Variants in SMPDL3A observed in about 807,000 individuals in gnomAD.
The protein encoded by SMPDL3A is cyclic GMP-AMP phosphodiesterase SMPDL3A.
SMPDL3A carries 39 observed loss-of-function variants against 38.5 expected under a neutral mutation model. The observed-to-expected ratio is 1.01, with a 90% confidence interval of 0.78 to 1.32. The LOEUF is 1.32. Ranked by LOEUF, SMPDL3A falls within the 40% of genes most tolerant of loss-of-function variation. The pLI is 0.00. For missense variants in SMPDL3A, 502 were observed against 536.2 expected (o/e 0.94, Z 0.63); for synonymous variants, 180 against 194.3 (o/e 0.93, Z 0.61).
intron 4 of SMPDL3A, among the ~76,000 whole-genome samples, chr6:122,802,779 T>C (rs553262447): frequency 3.3e-5 from 5 of 152,222 alleles, no homozygotes; most frequent in African/African-American, 9.6e-5. Flanking sequence ...ATAGAAGCCA[T>C]CCTGAGAAAG....
At position 122,796,945 on chromosome 6, in the gene SMPDL3A, G is replaced by C; in HGVS notation, c.448G>C (p.Gly150Arg). Residue 150 changes from glycine to arginine, a missense_variant, in exon 3 of 8, where the codon GGT (glycine) becomes CGT (arginine). Physicochemically the swap from Gly to Arg is moderately radical, Grantham distance 125. Transcript: ENST00000368440. ...FPNLQVFPAL[G>R]NHDYWPQDQL... ...AAATCTCCAGGTTTTCCCTGCGCTG[G>C]GTAATCATGACTATTGGCCACAGGT... 4 of 1,613,498 alleles carry C rather than the reference G, an allele frequency of 2.5e-6. No homozygotes were observed. Among genetic ancestry groups the C allele is most frequent in the Non-Finnish European group, 3.4e-6 (4 of 1,179,702 alleles).
intron 1 of SMPDL3A, among the ~76,000 whole-genome samples, chr6:122,791,473 G>A (rs770484392): frequency 2.6e-5 from 4 of 152,172 alleles, no homozygotes; most frequent in African/African-American, 4.8e-5. Flanking sequence ...AATCCCAGCA[G>A]CCATACTTCA....
rs545017388 is a variant in SMPDL3A, at chr6:122,797,198, A to T, written c.471+230A>T. 5.1e-6 allele frequency: 2 copies of T among 393,238 alleles called. 1 individual carries two copies. Among genetic ancestry groups the T allele is most frequent in the East Asian group, 7.7e-5 (2 of 25,948 alleles). 24.4% of individuals were successfully genotyped at this position (393,238 alleles called of 1,614,324 possible). A position where few individuals can be genotyped will look rare whatever the true frequency, so the allele number is the denominator to read the frequency against. ...ATCAATAGTGAGTTTTCAGAATAAA[A>T]TTATCCAGTTTGTGGATGATTAATT... is the stretch of plus-strand genomic sequence containing the variant. On this transcript the variant is annotated intron_variant, in intron 3 of 7. Coordinates refer to ENST00000368440, the MANE Select transcript of SMPDL3A (RefSeq NM_006714.5).
rs184598739 is a variant in SMPDL3A at position 122,795,935 on chromosome 6, C to T, written c.326+45C>T. 3.0e-4 allele frequency: 412 copies of T among 1,374,682 alleles called. 1 individual carries two copies. In the Middle Eastern group the frequency reaches 4.7e-3, roughly 16 times the overall value. 85.2% of individuals were successfully genotyped at this position (1,374,682 alleles called of 1,614,324 possible). The stretch of plus-strand genomic sequence containing the variant: ...CCATTAATTACTCAATATTTATTTA[C>T]AGTGTCCTAAGCTTCATAAGAGTGC... On this transcript the variant is annotated intron_variant, in intron 2 of 7. Coordinates refer to ENST00000368440, the MANE Select transcript of SMPDL3A (RefSeq NM_006714.5).
intron 7 of SMPDL3A, among the ~76,000 whole-genome samples, chr6:122,807,742 T>C (rs1416338565): frequency 6.6e-6 from 1 of 151,882 alleles, no homozygotes; most frequent in Non-Finnish European, 1.5e-5. Flanking sequence ...AAATAGGAGA[T>C]GGTTCTGTTA....
At chr6:122,800,181 C>T (rs753789320) in intron 3 of SMPDL3A, among the ~76,000 whole-genome samples, 14 of 151,658 alleles carry the variant, frequency 9.2e-5, no homozygotes, top group Non-Finnish European at 1.8e-4. Context: ...TTCCTCCAGG[C>T]GAGGCTCCCC....
chr6:122,808,658 CTCCCTCCCTCT>C (rs1562357977), intron 7 of SMPDL3A, among the ~76,000 whole-genome samples: 17 of 110,030 alleles, frequency 1.5e-4, no homozygotes, highest in African/African-American at 5.2e-4. Context: ...CTCCTCCCCC[CTCCCTCCCTCT>C]CCTTCTTTCT....
In SMPDL3A at chr6:122,789,403, C is replaced by G; in HGVS notation, c.57C>G (p.Ser19=). 6.5e-7 allele frequency: 1 copy of G among 1,549,336 alleles called. No homozygotes were observed. The highest frequency in any genetic ancestry group is 2.4e-5 in the East Asian group (1 of 40,878). Residue 19 remains serine (S), a synonymous_variant, in exon 1 of 8, where the codon TCC becomes TCG. Coordinates refer to ENST00000368440, the MANE Select transcript of SMPDL3A (RefSeq NM_006714.5). ...TGCTGACTGCCTGGCACTGCCGCTCCGGCCTCGGGCTGCCCGTGGCGCCCG... is the reference window on the plus strand; with the variant it reads ...TGCTGACTGCCTGGCACTGCCGCTCGGGCCTCGGGCTGCCCGTGGCGCCCG... ...CCLLTAWHCR[S]GLGLPVAPAG... is the part of the protein sequence containing the mutation.
At chr6:122,808,631 CT>C (rs1781734021) in intron 7 of SMPDL3A, among the ~76,000 whole-genome samples, 2 of 66,134 alleles carry the variant, frequency 3.0e-5, no homozygotes, top group African/African-American at 5.9e-5. Flanking sequence ...TCCTTCCTTC[CT>C]TCCTTCCTTC....
In SMPDL3A at chr6:122,796,804, C is replaced by T. The variant is rs1297873535; in HGVS notation, c.327-20C>T. ...TTTATGAAACTGATTTTGTTCTTTA[C>T]AATCTCTCTCTTTTTTCAGGGATAG... is the stretch of plus-strand genomic sequence containing the variant. On this transcript the variant is annotated intron_variant, in intron 2 of 7. Transcript: ENST00000368440. 2 of 1,605,212 alleles carry T rather than the reference C, an allele frequency of 1.2e-6. No homozygotes were observed. The highest frequency in any genetic ancestry group is 1.7e-6 in the Non-Finnish European group (2 of 1,175,356).
At chr6:122,795,614 A>AT (rs1331162745) in intron 1 of SMPDL3A, 63 bp from the exon 2 acceptor site, 24 of 1,264,120 alleles carry the variant, frequency 1.9e-5, no homozygotes, top group African/African-American at 4.5e-5. Context: ...TAATATAAAT[A>AT]TTTTTATGAG....
rs1409497777 is a variant in SMPDL3A at position 122,789,360 on chromosome 6, G to A, written c.14G>A (p.Arg5His). 1.9e-6 allele frequency: 3 copies of A among 1,546,446 alleles called. No individual in the cohort carries two copies. Among genetic ancestry groups the A allele is most frequent in the African/African-American group, 1.4e-5 (1 of 72,854 alleles). The change falls in exon 1 of 8, where the codon CGC (arginine) becomes CAC (histidine). Residue 5 changes from arginine to histidine, a missense_variant. Physicochemically the swap from Arg to His is conservative, Grantham distance 29. Transcript: ENST00000368440. The part of the protein sequence containing the change: MALV[R>H]ALVCCLLTAW... The stretch of plus-strand genomic sequence containing the variant: ...CCGCGGCCCTCCATGGCGCTGGTGC[G>A]CGCACTCGTCTGCTGCCTGCTGACT...
chr6:122,796,102 T>C lies in SMPDL3A; in HGVS notation c.326+212T>C, dbSNP rs188756005. Among the ~76,000 whole-genome samples, 144 of 152,264 alleles carry C rather than the reference T, an allele frequency of 9.5e-4. No homozygotes were observed. The Middle Eastern group carries it at 0.014, about 14-fold the overall frequency. On this transcript the variant is annotated intron_variant, in intron 2 of 7. Transcript: ENST00000368440. ...AATACAGATTTCAGAAATATGTCAG[T>C]GTTAACTAAGAGATGAATCCATAAA...
intron 1 of SMPDL3A, chr6:122,789,854 G>C (rs1781013661): frequency 1.0e-6 from 1 of 985,264 alleles, no homozygotes; most frequent in Non-Finnish European, 1.2e-6. Flanking sequence ...ACAGCAAGAG[G>C]CCCCTAATCG....
chr6:122,799,961 CT>C lies in SMPDL3A; in HGVS notation c.472-1329del, dbSNP rs112956534. Among the ~76,000 whole-genome samples, 1,054 of 124,524 alleles carry C rather than the reference CT, an allele frequency of 8.5e-3. 10 individuals are homozygous for C. The highest frequency in any genetic ancestry group is 0.026 in the African/African-American group (897 of 34,500). The allele number at this position is 124,524 out of a possible 152,430, so 81.7% of individuals were successfully genotyped here. A position where few individuals can be genotyped will look rare whatever the true frequency, so the allele number is the denominator to read the frequency against. On this transcript the variant is annotated intron_variant, in intron 3 of 7. Transcript: ENST00000368440. ...TTTATGGGTTTTTATTCAGTATTTA[CT>C]TTTTTTTTTTTTTTTTTTTGAAACA...
chr6:122,803,359 A>G (rs6936183), intron 4 of SMPDL3A, among the ~76,000 whole-genome samples: 126,488 of 152,206 alleles, frequency 0.83, 53,276 homozygotes, highest in East Asian at 0.99. Flanking sequence ...TCTTTCTTTC[A>G]TAAAACTCAA....
At chr6:122,789,827 G>A (rs1781011519) in intron 1 of SMPDL3A, 1 of 985,266 alleles carries the variant, frequency 1.0e-6, no homozygotes, top group Non-Finnish European at 1.2e-6. Flanking sequence ...GAGGAAGCTG[G>A]GAGTCCGATG....
intron 3 of SMPDL3A, among the ~76,000 whole-genome samples, chr6:122,800,931 A>G (rs1781410279): frequency 6.6e-6 from 1 of 152,042 alleles, no homozygotes; most frequent in Admixed American, 6.5e-5. Context: ...TTGTGTTTGT[A>G]GTAGAGATGG....
At chr6:122,792,654 T>C (rs1460870156) in intron 1 of SMPDL3A, among the ~76,000 whole-genome samples, 3 of 151,088 alleles carry the variant, frequency 2.0e-5, no homozygotes, top group Admixed American at 6.6e-5. Context: ...TTTTTTTTTT[T>C]AGAGACAGGG....
Sources: allele counts gnomAD v4.1 joint callset (sites outside exome capture counted in the v4.1 genomes callset), GRCh38; gene constraint gnomAD v4.1.1; transcripts MANE v1.5; gene names NCBI Gene and HGNC (gene_info 2026-07-23, HGNC 2026-07-21).